The following MIPOL1 variants were observed in gnomAD, a reference collection of about 807,000 sequenced individuals.
The protein encoded by MIPOL1 is mirror-image polydactyly 1, also known as mirror-image polydactyly gene 1 protein.
MIPOL1 carries 57 observed loss-of-function variants against 60.9 expected under a neutral mutation model. That is an observed-to-expected ratio of 0.94 (90% CI 0.76 to 1.17). The LOEUF (loss-of-function observed/expected upper bound fraction) is 1.17, where lower values mean the gene tolerates loss of function less well. MIPOL1 is among the 50% of genes most tolerant of loss of function. The pLI, the probability that MIPOL1 is intolerant of heterozygous loss-of-function variation, is 0.00. For missense variants in MIPOL1, 551 were observed against 511.6 expected (o/e 1.08, Z -0.74); for synonymous variants, 179 against 168.8 (o/e 1.06, Z -0.47).
At chr14:37,426,618 A>T (rs1201554725) in intron 11 of MIPOL1, among the ~76,000 whole-genome samples, 1 of 112,974 alleles carries the variant, frequency 8.9e-6, no homozygotes, top group Non-Finnish European at 1.9e-5. Context: ...CATATATAAT[A>T]TGTATATATG....
chr14:37,369,577 A>G lies in MIPOL1; in HGVS notation c.889A>G (p.Asn297Asp). 1 of 1,613,544 alleles carries G rather than the reference A, an allele frequency of 6.2e-7. No individual in the cohort carries two copies. The change falls in exon 10 of 13, where the codon AAC (asparagine) becomes GAC (aspartate). Residue 297 changes from asparagine to aspartate, a missense_variant. Coordinates refer to ENST00000684589, the MANE Select transcript of MIPOL1 (RefSeq NM_001388067.1). ...VKEQNQTSANNMRHLTAENNQ... is the reference protein window; with the variant it reads ...VKEQNQTSANDMRHLTAENNQ... ...AGAGCAGAACCAGACTTCAGCAAAC[A>G]ACATGAGACATCTGACTGCTGAAAA...
intron 7 of MIPOL1, among the ~76,000 whole-genome samples, chr14:37,305,522 T>G (rs1348725879): frequency 6.6e-6 from 1 of 151,822 alleles, no homozygotes; most frequent in African/African-American, 2.4e-5. Context: ...CTAAAATAAT[T>G]ACTATTTGGC....
intron 9 of MIPOL1, among the ~76,000 whole-genome samples, chr14:37,328,930 G>A (rs548959564): frequency 1.1e-4 from 17 of 152,232 alleles, no homozygotes; most frequent in African/African-American, 3.6e-4. Context: ...AAAGGGATTA[G>A]GCTTAAGAAT....
At chr14:37,453,869 G>A (rs2094449130) in intron 11 of MIPOL1, among the ~76,000 whole-genome samples, 1 of 152,130 alleles carries the variant, frequency 6.6e-6, no homozygotes, top group Admixed American at 6.5e-5. Context: ...TTACTCATTA[G>A]TGAAAACCAC....
chr14:37,275,302 GA>G (rs2083570448), intron 6 of MIPOL1, among the ~76,000 whole-genome samples: 1 of 151,142 alleles, frequency 6.6e-6, no homozygotes, highest in Non-Finnish European at 1.5e-5. Context: ...AAAATTGTAT[GA>G]ATGACCTTCA....
At chr14:37,375,751 C>T (rs1218409722) in intron 10 of MIPOL1, among the ~76,000 whole-genome samples, 1 of 151,560 alleles carries the variant, frequency 6.6e-6, no homozygotes, top group African/African-American at 2.4e-5. Flanking sequence ...CTTCTCTACT[C>T]TTCTCTTTCT....
At chr14:37,298,070 C>T (rs532565165) in intron 7 of MIPOL1, among the ~76,000 whole-genome samples, 1 of 152,106 alleles carries the variant, frequency 6.6e-6, no homozygotes, top group Non-Finnish European at 1.5e-5. Context: ...GCTACAGTAA[C>T]CAAAACAGCA....
intron 10 of MIPOL1, among the ~76,000 whole-genome samples, chr14:37,413,557 T>C (rs2153541310): frequency 6.6e-6 from 1 of 152,358 alleles, no homozygotes; most frequent in South Asian, 2.1e-4. Flanking sequence ...CATCTCAGGG[T>C]CACCTGATTA....
rs148688981 is a variant in MIPOL1 at position 37,369,769 on chromosome 14, G to T, written c.936+145G>T. The T allele has an allele frequency of 1.3e-3, 627 of 481,218 alleles. 9 individuals are homozygous for T. In the East Asian group the frequency reaches 0.02, roughly 15 times the overall value. 29.8% of individuals were successfully genotyped at this position (481,218 alleles called of 1,614,324 possible). ...AACCCCTTCTTTAAACACAGATACA[G>T]CACCCTTTTGTTATGGTATTATTTT... On this transcript the variant is annotated intron_variant, in intron 10 of 12. Transcript: ENST00000684589.
chr14:37,510,930 A>C (rs569077428), intron 12 of MIPOL1, among the ~76,000 whole-genome samples: 1 of 152,084 alleles, frequency 6.6e-6, no homozygotes, highest in East Asian at 1.9e-4. Flanking sequence ...TCACTCTCCG[A>C]GGAGCTGGCA....
rs140940767 is a variant in MIPOL1, at chr14:37,305,862, T to C, written c.624-2194T>C. On this transcript the variant is annotated intron_variant, in intron 7 of 12. Coordinates refer to ENST00000684589, the MANE Select transcript of MIPOL1 (RefSeq NM_001388067.1). ...ACAAGATTGAGATCCAAATGCTAAGTGGCTGACTTAGCTCACTTACGTCCT... is the reference window on the plus strand; with the variant it reads ...ACAAGATTGAGATCCAAATGCTAAGCGGCTGACTTAGCTCACTTACGTCCT... Among the ~76,000 whole-genome samples the C allele has an allele frequency of 2.9e-3, 439 of 152,022 alleles. 2 individuals are homozygous for C. The highest frequency in any genetic ancestry group is 0.01 in the African/African-American group (418 of 41,572).
chr14:37,490,901 C>T (rs1050093298), intron 11 of MIPOL1, among the ~76,000 whole-genome samples: 8 of 152,192 alleles, frequency 5.3e-5, no homozygotes, highest in Non-Finnish European at 8.8e-5. Context: ...ATTTGGCCAT[C>T]TTGCCAGCAA....
intron 10 of MIPOL1, among the ~76,000 whole-genome samples, chr14:37,392,014 T>C (rs1173404040): frequency 6.6e-6 from 1 of 152,170 alleles, no homozygotes; most frequent in Admixed American, 6.6e-5. Flanking sequence ...AAGAATAATT[T>C]ATTAAACCAA....
At position 37,538,961 on chromosome 14, in the gene MIPOL1, G is replaced by A. The variant is rs563025040; in HGVS notation, c.1263-7944G>A. ...CTCACACCTGTAATCCCAGCACTTT[G>A]GGAGGCCGAGGCAGGCGGATCACGA... On this transcript the variant is annotated intron_variant, in intron 12 of 12. Transcript: ENST00000684589. Among the ~76,000 whole-genome samples the A allele has an allele frequency of 5.9e-3, 897 of 152,246 alleles. 9 individuals carry two copies. Among genetic ancestry groups the A allele is most frequent in the South Asian group, 0.03 (146 of 4,810 alleles).
intron 12 of MIPOL1, among the ~76,000 whole-genome samples, chr14:37,513,781 G>A (rs777581090): frequency 2.0e-5 from 3 of 152,104 alleles, no homozygotes; most frequent in Admixed American, 6.6e-5. Flanking sequence ...TCATTTCAGA[G>A]GCTGTCTTCC....
At chr14:37,320,061 A>C (rs2153446057) in intron 9 of MIPOL1, among the ~76,000 whole-genome samples, 1 of 152,286 alleles carries the variant, frequency 6.6e-6, no homozygotes, top group South Asian at 2.1e-4. Context: ...TGTTAAACAG[A>C]TGACAGAAAT....
intron 11 of MIPOL1, among the ~76,000 whole-genome samples, chr14:37,476,270 C>T (rs553552853): frequency 4.5e-4 from 68 of 152,130 alleles, no homozygotes; most frequent in African/African-American, 1.6e-3. Flanking sequence ...ATTACTAGTT[C>T]CAGGAGTTGT....
rs993953843 is a variant in MIPOL1 at position 37,470,043 on chromosome 14, G to C, written c.1032-29865G>C. ...TTGTGAGGTGAGAGATAAATATTAA[G>C]GATGATGTATAGGTTTCTGCATGAA... On this transcript the variant is annotated intron_variant, in intron 11 of 12. Coordinates refer to ENST00000684589, the MANE Select transcript of MIPOL1 (RefSeq NM_001388067.1). Among the ~76,000 whole-genome samples the C allele has an allele frequency of 3.3e-5, 5 of 151,920 alleles. No homozygotes were observed. The South Asian group carries it at 1.0e-3, about 31-fold the overall frequency.
intron 9 of MIPOL1, among the ~76,000 whole-genome samples, chr14:37,361,522 T>A (rs2092240340): frequency 6.6e-6 from 1 of 151,656 alleles, no homozygotes; most frequent in South Asian, 2.1e-4. Context: ...CTGTATTGGG[T>A]GCATATATAT....
Sources: allele counts gnomAD v4.1 joint callset (sites outside exome capture counted in the v4.1 genomes callset), GRCh38; gene constraint gnomAD v4.1.1; transcripts MANE v1.5; gene names NCBI Gene and HGNC (gene_info 2026-07-23, HGNC 2026-07-21).